PTPRB: variants seen among roughly 807,000 people sequenced by gnomAD.
The protein encoded by PTPRB is protein tyrosine phosphatase receptor type B.
PTPRB carries 97 observed loss-of-function variants against 238.1 expected under a neutral mutation model. The observed-to-expected ratio is 0.41, with a 90% CI of 0.35 to 0.48. The LOEUF is 0.48. Among genes scored for constraint, PTPRB ranks in the 20% least tolerant of loss-of-function variants. PTPRB has a pLI of 0.30. For synonymous variants in PTPRB, 970 were observed against 995.4 expected, an observed-to-expected ratio of 0.97 and a Z score of 0.48; for missense variants, 2,292 against 2,681.9, an observed-to-expected ratio of 0.85 and a Z score of 3.21.
In PTPRB at chr12:70,560,158, T is replaced by C. The variant is rs1464573476; in HGVS notation, c.4432+513A>G. ...AGCCTCATATACCTTTTCTTAAATA[T>C]TCATAGCCAGATCTTCCTTACCATG... On this transcript the variant is annotated intron_variant, in intron 17 of 33. Coordinates refer to ENST00000334414, the MANE Select transcript of PTPRB (RefSeq NM_001109754.4). This position sits in a 1 kb window ranked among gnomAD's most constrained non-coding sequence, Gnocchi z 4.2. Among the ~76,000 whole-genome samples, 2 of 152,156 alleles carry C rather than the reference T, an allele frequency of 1.3e-5. No homozygotes were observed. The highest frequency in any genetic ancestry group is 2.9e-5 in the Non-Finnish European group (2 of 68,036).
At chr12:70,524,835 A>G (rs1042006909) in intron 32 of PTPRB, among the ~76,000 whole-genome samples, 2 of 144,780 alleles carry the variant, frequency 1.4e-5, no homozygotes, top group African/African-American at 5.2e-5. Flanking sequence ...GTGTGTGCAT[A>G]TATGTGTGTA....
intron 26 of PTPRB, 138 bp downstream of exon 26, chr12:70,539,487 T>A (rs1592420559): frequency 1.2e-5 from 8 of 690,842 alleles, no homozygotes; most frequent in Middle Eastern, 8.1e-4. Flanking sequence ...AGTTTAGGCA[T>A]AAAAGAGTGC....
At chr12:70,544,529 T>C in intron 22 of PTPRB, 28 bp downstream of exon 22, 1 of 1,476,984 alleles carries the variant, frequency 6.8e-7, no homozygotes. Flanking sequence ...TGGCAGTTGG[T>C]AGAACATGAT....
intron 3 of PTPRB, among the ~76,000 whole-genome samples, chr12:70,612,560 CAT>C (rs1195720166): frequency 6.6e-6 from 1 of 152,076 alleles, no homozygotes; most frequent in African/African-American, 2.4e-5. Context: ...CACTCTGTAC[CAT>C]TTCAGGGGAC....
rs187097788 is a variant in PTPRB, at chr12:70,518,883, C to A, written c.*2606G>T. 5.3e-5 allele frequency: 8 copies of A among 152,126 alleles called. No homozygotes were observed. The East Asian group carries it at 1.5e-3, about 29-fold the overall frequency. The allele number at this position is 152,126 out of a possible 1,614,324, so 9.4% of individuals were successfully genotyped here. A position where few individuals can be genotyped will look rare whatever the true frequency, so the allele number is the denominator to read the frequency against. On this transcript the variant is annotated 3_prime_UTR_variant, in exon 34 of 34. Transcript: ENST00000334414. ...ATGATTAAAGTGTACTGCACAGGTA[C>A]ACAGACAGGATGCCCACCAAGACAG...
At chr12:70,546,720 C>T (rs1876023683) in intron 21 of PTPRB, among the ~76,000 whole-genome samples, 1 of 152,168 alleles carries the variant, frequency 6.6e-6, no homozygotes, top group Non-Finnish European at 1.5e-5. Flanking sequence ...AGAATATGAG[C>T]TGCCTCCTAG....
At chr12:70,618,790 A>G (rs893562608) in intron 3 of PTPRB, among the ~76,000 whole-genome samples, 3 of 152,220 alleles carry the variant, frequency 2.0e-5, no homozygotes, top group Non-Finnish European at 4.4e-5. Context: ...TGGCAGCTAA[A>G]ATTAATTAAA....
intron 22 of PTPRB, chr12:70,541,214 G>C (rs1875052472): frequency 3.1e-6 from 1 of 319,006 alleles, no homozygotes; most frequent in Non-Finnish European, 5.7e-6. Context: ...ATAGCTTATA[G>C]AGGAATTTTG....
At chr12:70,597,876 C>A (rs1231986913) in intron 4 of PTPRB, among the ~76,000 whole-genome samples, 2 of 152,080 alleles carry the variant, frequency 1.3e-5, no homozygotes, top group Non-Finnish European at 2.9e-5. Flanking sequence ...CAATAGACAC[C>A]ATAGGCTTAA....
intron 7 of PTPRB, 36 bp from the exon 8 acceptor site, chr12:70,590,269 C>T: frequency 6.6e-7 from 1 of 1,510,342 alleles, no homozygotes; most frequent in Non-Finnish European, 8.9e-7. Context: ...GGAGATATTA[C>T]AGACCAAAAG....
At chr12:70,573,356 C>T (rs1235037514) in intron 11 of PTPRB, among the ~76,000 whole-genome samples, 1 of 152,072 alleles carries the variant, frequency 6.6e-6, no homozygotes, top group Non-Finnish European at 1.5e-5. Flanking sequence ...GGACCACATA[C>T]TTTGATGTAG....
Position 70,563,008 on chromosome 12 carries a change from ATGT to A in PTPRB, c.4001_4003del (p.Asn1334del), listed in dbSNP as rs1373907923. 3 of 1,613,832 alleles carry A rather than the reference ATGT, an allele frequency of 1.9e-6. No individual in the cohort carries two copies. Among genetic ancestry groups the A allele is most frequent in the Non-Finnish European group, 2.5e-6 (3 of 1,179,892 alleles). Reference sequence around the variant, plus strand: ...ATTCCCATCTGGGTTGTACAAAAAGATGTTGTACCAGCTGAGCTCCCCCTCTGA... The same window carrying A: ...ATTCCCATCTGGGTTGTACAAAAAGATGTACCAGCTGAGCTCCCCCTCTGA... On this transcript the variant is annotated inframe_deletion, in exon 16 of 34. Transcript: ENST00000334414.
chr12:70,563,127 A>G lies in PTPRB; in HGVS notation c.3905-20T>C. On this transcript the variant is annotated intron_variant, in intron 15 of 33. Coordinates refer to ENST00000334414, the MANE Select transcript of PTPRB (RefSeq NM_001109754.4). ...CTGGGACTGGAAAAGTCGAGGAGCA[A>G]GAGAATGAGGGAGGGAAATGCAGTG... is the stretch of plus-strand genomic sequence containing the variant. 1 of 1,600,096 alleles carries G rather than the reference A, an allele frequency of 6.2e-7. No individual in the cohort carries two copies. Among genetic ancestry groups the G allele is most frequent in the East Asian group, 2.2e-5 (1 of 44,548 alleles).
intron 4 of PTPRB, 161 bp downstream of exon 4, chr12:70,608,908 G>A (rs1884188486): frequency 9.5e-7 from 1 of 1,047,524 alleles, no homozygotes; most frequent in Non-Finnish European, 1.4e-6. Flanking sequence ...GCTGCTTCTG[G>A]CTAGATCCGA....
At position 70,535,872 on chromosome 12, in the gene PTPRB, A is replaced by G. The variant is rs140533826; in HGVS notation, c.6081+153T>C. On this transcript the variant is annotated intron_variant, in intron 29 of 33. Coordinates refer to ENST00000334414, the MANE Select transcript of PTPRB (RefSeq NM_001109754.4). ...GAATCAGGCATCACTTGGGTTTACT[A>G]TTAGAGTCTTTTGAACAGAGTGGTA... Among the ~76,000 whole-genome samples, 259 of 152,332 alleles carry G rather than the reference A, an allele frequency of 1.7e-3. 1 individual carries two copies. Among genetic ancestry groups the G allele is most frequent in the Admixed American group, 5.2e-3 (79 of 15,304 alleles).
chr12:70,536,039 C>G lies in PTPRB; in HGVS notation c.6067G>C (p.Val2023Leu). Residue 2023 changes from valine (V) to leucine (L), a missense_variant, in exon 29 of 34, where the codon GTT becomes CTT. Transcript: ENST00000334414. ...VHNIVMVTQCVEKGRVKCDHY... is the reference protein window; with the variant it reads ...VHNIVMVTQCLEKGRVKCDHY... Reference sequence around the variant, plus strand: ...TGTTTACTCACTCGGCCCTTCTCAACACACTGGGTCACCATGACGATGTTG... The same window carrying G: ...TGTTTACTCACTCGGCCCTTCTCAAGACACTGGGTCACCATGACGATGTTG... 8 of 1,613,550 alleles carry G rather than the reference C, an allele frequency of 5.0e-6. No homozygotes were observed. Among genetic ancestry groups the G allele is most frequent in the Non-Finnish European group, 6.8e-6 (8 of 1,179,720 alleles).
chr12:70,577,153 G>C (rs540931604), intron 10 of PTPRB, among the ~76,000 whole-genome samples: 1 of 152,188 alleles, frequency 6.6e-6, no homozygotes, highest in Non-Finnish European at 1.5e-5. Context: ...TTCATTCCTG[G>C]GAAGTAATAG....
chr12:70,546,413 C>G (rs1232606853), intron 21 of PTPRB, among the ~76,000 whole-genome samples: 1 of 152,116 alleles, frequency 6.6e-6, no homozygotes, highest in East Asian at 1.9e-4. Context: ...CCTGTGATCC[C>G]TATCATAGGA....
intron 3 of PTPRB, chr12:70,609,713 C>A: frequency 6.6e-7 from 1 of 1,514,706 alleles, no homozygotes; most frequent in Non-Finnish European, 9.0e-7. Context: ...ATTTGGTTTT[C>A]GGCGGGGAGG....
Sources: gnomAD v4.1 joint callset for allele counts (sites outside exome capture counted in the v4.1 genomes callset) on GRCh38, gnomAD v4.1.1 for gene constraint, Gnocchi (gnomAD v3.1) non-coding constraint, MANE v1.5 for transcripts, NCBI Gene and HGNC (gene_info 2026-07-23, HGNC 2026-07-21) for gene names.